KCNB2: variants seen among roughly 807,000 people sequenced by gnomAD.
KCNB2 encodes the protein delayed rectifier potassium channel protein.
Under a neutral mutation model 61.5 loss-of-function variants are expected in KCNB2, and 15 were observed. The ratio of observed to expected loss-of-function variants is 0.24; its 90% CI spans 0.16 to 0.38. The LOEUF (loss-of-function observed/expected upper bound fraction) is 0.38. Among genes scored for constraint, KCNB2 ranks in the 10% least tolerant of loss-of-function variants. KCNB2 has a pLI of 1.00. For synonymous variants in KCNB2, 457 were observed against 446.0 expected, an observed-to-expected ratio of 1.02 and a Z score of -0.31; for missense variants, 828 against 1,125.2, an observed-to-expected ratio of 0.74 and a Z score of 3.78.
At chr8:72,645,374 G>A (rs905656785) in intron 2 of KCNB2, among the ~76,000 whole-genome samples, 1 of 152,128 alleles carries the variant, frequency 6.6e-6, no homozygotes, top group East Asian at 1.9e-4. Context: ...CTTCACATGA[G>A]CAGTTATGAG....
chr8:72,757,892 C>A (rs1027230862), intron 2 of KCNB2, among the ~76,000 whole-genome samples: 1 of 152,130 alleles, frequency 6.6e-6, no homozygotes, highest in East Asian at 1.9e-4. Flanking sequence ...GAGTGGTCTT[C>A]AAGTTCAAAG....
chr8:72,595,227 A>G (rs1006181701), intron 2 of KCNB2, among the ~76,000 whole-genome samples: 9 of 150,772 alleles, frequency 6.0e-5, no homozygotes, highest in African/African-American at 2.2e-4. Flanking sequence ...CCTTGAACTC[A>G]CTCATGAGGC....
intron 2 of KCNB2, among the ~76,000 whole-genome samples, chr8:72,768,862 T>G (rs1585882377): frequency 6.6e-6 from 1 of 152,070 alleles, no homozygotes; most frequent in East Asian, 1.9e-4. Context: ...CTCATTCTTT[T>G]GAAAATTAAG....
chr8:72,690,310 T>G (rs941349564), intron 2 of KCNB2, among the ~76,000 whole-genome samples: 19 of 152,180 alleles, frequency 1.2e-4, no homozygotes, highest in African/African-American at 4.3e-4. Flanking sequence ...TAATTATTGT[T>G]TCCCAATAAG....
intron 2 of KCNB2, among the ~76,000 whole-genome samples, chr8:72,826,530 G>A (rs1809599310): frequency 6.6e-6 from 1 of 152,190 alleles, no homozygotes; most frequent in South Asian, 2.1e-4. Flanking sequence ...ACGGAGGAAA[G>A]AATAAAAGGA....
intron 2 of KCNB2, among the ~76,000 whole-genome samples, chr8:72,664,765 G>A (rs1047883295): frequency 5.3e-5 from 8 of 152,100 alleles, no homozygotes; most frequent in African/African-American, 1.9e-4. Flanking sequence ...AATAGACAAA[G>A]TAAATAAGTA....
chr8:72,661,597 C>T (rs1190937237), intron 2 of KCNB2: 2 of 152,174 alleles, frequency 1.3e-5, no homozygotes, highest in African/African-American at 2.4e-5. Context: ...CATTCCTCAT[C>T]GTTTTATGAA....
intron 2 of KCNB2, among the ~76,000 whole-genome samples, chr8:72,818,374 G>C (rs1809439456): frequency 6.6e-6 from 1 of 152,126 alleles, no homozygotes; most frequent in Non-Finnish European, 1.5e-5. Context: ...TTGATTTGGA[G>C]TAATTATGTA....
intron 2 of KCNB2, among the ~76,000 whole-genome samples, chr8:72,581,943 C>T (rs991119281): frequency 5.3e-5 from 8 of 152,088 alleles, no homozygotes; most frequent in Admixed American, 4.6e-4. Flanking sequence ...TGATCTGACC[C>T]CCAGGGGATA....
At chr8:72,639,381 G>A (rs908728390) in intron 2 of KCNB2, among the ~76,000 whole-genome samples, 5 of 152,078 alleles carry the variant, frequency 3.3e-5, no homozygotes, top group African/African-American at 7.2e-5. Context: ...AGGCAAACAC[G>A]TTTTCAGCTC....
At chr8:72,630,502 G>A (rs990324692) in intron 2 of KCNB2, among the ~76,000 whole-genome samples, 21 of 152,130 alleles carry the variant, frequency 1.4e-4, no homozygotes, top group Non-Finnish European at 4.4e-5. Context: ...GATGAGAGGG[G>A]ACTACTGTAC....
At chr8:72,862,027 C>T (rs1212708307) in intron 2 of KCNB2, among the ~76,000 whole-genome samples, 1 of 152,058 alleles carries the variant, frequency 6.6e-6, no homozygotes, top group Admixed American at 6.6e-5. Context: ...TAAAAATTAG[C>T]TAGGCATAGT....
intron 2 of KCNB2, among the ~76,000 whole-genome samples, chr8:72,883,181 A>G (rs16938463): frequency 0.024 from 3,651 of 152,330 alleles, 136 homozygotes; most frequent in African/African-American, 0.078. Context: ...ACAAAGCACA[A>G]AAATGTTTCT....
At chr8:72,549,062 T>C (rs1378214539) in intron 1 of KCNB2, among the ~76,000 whole-genome samples, 1 of 152,218 alleles carries the variant, frequency 6.6e-6, no homozygotes, top group African/African-American at 2.4e-5. Flanking sequence ...TTTCAATCGT[T>C]TTTTAATACT....
chr8:72,830,683 CTCA>C (rs1809679666), intron 2 of KCNB2, among the ~76,000 whole-genome samples: 1 of 152,210 alleles, frequency 6.6e-6, no homozygotes, highest in South Asian at 2.1e-4. Context: ...ATGCTTCTGG[CTCA>C]TCAGCAGGCA....
intron 2 of KCNB2, among the ~76,000 whole-genome samples, chr8:72,695,844 A>G (rs1306605864): frequency 3.3e-5 from 5 of 152,196 alleles, no homozygotes; most frequent in Non-Finnish European, 4.4e-5. Context: ...TATTCCAGCA[A>G]TTTCCTCATC....
intron 2 of KCNB2, among the ~76,000 whole-genome samples, chr8:72,810,329 A>G (rs1809286498): frequency 6.6e-6 from 1 of 152,216 alleles, no homozygotes; most frequent in African/African-American, 2.4e-5. Context: ...AAATAATAAG[A>G]GGCAGAAACC....
rs534021113 is a variant in KCNB2, at chr8:72,914,692, C to T, written c.580-21243C>T. 8.5e-5 allele frequency among the ~76,000 whole-genome samples: 13 copies of T among 152,110 alleles called. No homozygotes were observed. In the East Asian group the frequency reaches 1.9e-3, roughly 23 times the overall value. ...AAAGAATTTAAAACAATTTAATGGA[C>T]GATACATTGGTGTTGAGAATTCAGC... On this transcript the variant is annotated intron_variant, in intron 2 of 2. Transcript: ENST00000523207.
At chr8:72,935,847 T>C (rs1806893201) in intron 2 of KCNB2, 88 bp from the exon 3 acceptor site, 1 of 862,168 alleles carries the variant, frequency 1.2e-6, no homozygotes, top group Non-Finnish European at 1.9e-6. Flanking sequence ...GAGCATTCCA[T>C]ATTAGTTAAA....
Sources: allele counts gnomAD v4.1 joint callset (sites outside exome capture counted in the v4.1 genomes callset), GRCh38; gene constraint gnomAD v4.1.1; transcripts MANE v1.5; gene names NCBI Gene and HGNC (gene_info 2026-07-23, HGNC 2026-07-21).